Variants in COL22A1 observed in about 807,000 individuals in gnomAD.
COL22A1 encodes the protein collagen type XXII alpha 1 chain.
COL22A1 carries 221 observed loss-of-function variants against 248.9 expected under a neutral mutation model. That is an observed-to-expected ratio of 0.89 (90% CI 0.80 to 0.99). The LOEUF is 0.99. COL22A1 is among the 50% of genes least tolerant of loss of function. The pLI is 0.00. For synonymous variants in COL22A1, 891 were observed against 793.4 expected (o/e 1.12, Z -2.07); for missense variants, 2,240 against 2,179.0 (o/e 1.03, Z -0.56).
intron 3 of COL22A1, among the ~76,000 whole-genome samples, chr8:138,854,814 A>T (rs1318991365): frequency 6.6e-6 from 1 of 151,850 alleles, no homozygotes; most frequent in East Asian, 1.9e-4. Flanking sequence ...GGTGATGATG[A>T]TGGTGATGAT....
intron 22 of COL22A1, among the ~76,000 whole-genome samples, chr8:138,742,822 G>T (rs1257443271): frequency 1.5e-5 from 2 of 134,210 alleles, no homozygotes; most frequent in Non-Finnish European, 3.2e-5. Context: ...TGGTGGAGTT[G>T]ATGATGATGG....
intron 1 of COL22A1, among the ~76,000 whole-genome samples, chr8:138,907,556 A>G (rs899435905): frequency 6.6e-6 from 1 of 152,128 alleles, no homozygotes; most frequent in Non-Finnish European, 1.5e-5. Flanking sequence ...CCTATCATCT[A>G]TTTACTTTCT....
At chr8:138,597,436 T>C (rs545513394) in intron 61 of COL22A1, among the ~76,000 whole-genome samples, 2 of 152,188 alleles carry the variant, frequency 1.3e-5, no homozygotes, top group African/African-American at 2.4e-5. Flanking sequence ...CTGGTTCCCA[T>C]GCTCTGGTTT....
intron 31 of COL22A1, among the ~76,000 whole-genome samples, chr8:138,702,851 T>A (rs546864029): frequency 1.2e-4 from 18 of 152,132 alleles, no homozygotes; most frequent in Non-Finnish European, 2.1e-4. Context: ...ACAATGCTGG[T>A]GAATGACAGA....
rs775110259 is a variant in COL22A1 at position 138,703,315 on chromosome 8, T to C, written c.2550A>G (p.Leu850=). 15 of 1,613,648 alleles carry C rather than the reference T, an allele frequency of 9.3e-6. No individual in the cohort carries two copies. Among genetic ancestry groups the C allele is most frequent in the East Asian group, 2.2e-5 (1 of 44,848 alleles). The part of the protein sequence containing the change: ...GEAGPAGPPG[L]PGTTSLFTPH... ...AAGCGGAGTAACTTACAGTTCCAGG[T>C]AACCCGGGAGGGCCTGCAGGACCAG... Residue 850 remains leucine (L), a synonymous_variant, in exon 31 of 65, where the codon TTA becomes TTG. Transcript: ENST00000303045.
intron 3 of COL22A1, among the ~76,000 whole-genome samples, chr8:138,863,103 A>G (rs893923639): frequency 6.6e-6 from 1 of 152,228 alleles, no homozygotes; most frequent in Admixed American, 6.5e-5. Context: ...TGTTTAAAAG[A>G]TAAAATAAAG....
At chr8:138,845,407 G>A (rs1821172367) in intron 3 of COL22A1, among the ~76,000 whole-genome samples, 1 of 152,026 alleles carries the variant, frequency 6.6e-6, no homozygotes, top group African/African-American at 2.4e-5. Context: ...TACTCAGGAG[G>A]CTGAGGCAGG....
At chr8:138,596,800 C>A in intron 62 of COL22A1, 104 bp downstream of exon 62, 1 of 1,035,990 alleles carries the variant, frequency 9.7e-7, no homozygotes, top group South Asian at 1.4e-5. Context: ...AGCTGCCGGT[C>A]AAGTGCTTTT....
chr8:138,865,589 G>A (rs111215704), intron 3 of COL22A1, among the ~76,000 whole-genome samples: 11,118 of 150,444 alleles, frequency 0.074, 464 homozygotes, highest in African/African-American at 0.094. Context: ...GTGTGTGAGT[G>A]TATGTGTGTG....
chr8:138,619,904 C>A (rs111942143), intron 52 of COL22A1: 77 of 203,242 alleles, frequency 3.8e-4, no homozygotes, highest in African/African-American at 1.6e-3. Context: ...AACACTGAGG[C>A]TCAAAGTTAT....
At chr8:138,648,036 T>C (rs995188977) in intron 46 of COL22A1, among the ~76,000 whole-genome samples, 4 of 152,222 alleles carry the variant, frequency 2.6e-5, no homozygotes, top group African/African-American at 9.7e-5. Flanking sequence ...ATGACATGGA[T>C]GTAAGTACAT....
intron 4 of COL22A1, among the ~76,000 whole-genome samples, chr8:138,839,439 C>A (rs938562381): frequency 1.3e-5 from 2 of 152,096 alleles, no homozygotes; most frequent in Non-Finnish European, 2.9e-5. Context: ...GGGAGAAATA[C>A]CATCTGGTTT....
intron 10 of COL22A1, among the ~76,000 whole-genome samples, chr8:138,805,442 G>GTA (rs1817455320): frequency 7.4e-6 from 1 of 135,288 alleles, no homozygotes; most frequent in Non-Finnish European, 1.6e-5. Context: ...GTGGGATGGT[G>GTA]TGTGGTGTGT....
intron 23 of COL22A1, among the ~76,000 whole-genome samples, chr8:138,729,633 C>T (rs1303002352): frequency 6.6e-6 from 1 of 152,194 alleles, no homozygotes; most frequent in Admixed American, 6.5e-5. Flanking sequence ...AGGTGATTTG[C>T]TTCCAGCCTC....
intron 1 of COL22A1, among the ~76,000 whole-genome samples, chr8:138,893,962 G>A (rs1402090712): frequency 6.6e-6 from 1 of 152,202 alleles, no homozygotes; most frequent in East Asian, 1.9e-4. Context: ...GGAAAGATGA[G>A]TGGGAAGTAG....
intron 37 of COL22A1, among the ~76,000 whole-genome samples, chr8:138,686,573 A>C (rs1417176614): frequency 6.6e-6 from 1 of 152,194 alleles, no homozygotes; most frequent in Admixed American, 6.5e-5. Context: ...AGAGGGAAAA[A>C]GTATGCTGTG....
At chr8:138,694,943 A>C in intron 32 of COL22A1, 64 bp from the exon 33 acceptor site, 1 of 1,534,300 alleles carries the variant, frequency 6.5e-7, no homozygotes, top group Non-Finnish European at 8.9e-7. Flanking sequence ...CACAGGGTAC[A>C]TGTCCCCAGC....
intron 1 of COL22A1, among the ~76,000 whole-genome samples, chr8:138,904,429 G>A (rs185049436): frequency 1.3e-5 from 2 of 152,180 alleles, no homozygotes; most frequent in East Asian, 3.9e-4. Flanking sequence ...AGCACAGATG[G>A]GAGGATGCAC....
rs77175538 is a variant in COL22A1 at position 138,846,789 on chromosome 8, A to G, written c.659-2631T>C. The stretch of plus-strand genomic sequence containing the variant: ...GTATTCACTCATCTATTCAAACTCA[A>G]TTCTTTACTGAGCTCCAGATATGTT... On this transcript the variant is annotated intron_variant, in intron 3 of 64. Coordinates refer to ENST00000303045, the MANE Select transcript of COL22A1 (RefSeq NM_152888.3). Among the ~76,000 whole-genome samples the G allele has an allele frequency of 6.8e-4, 104 of 152,302 alleles. 1 individual carries two copies. In the East Asian group the frequency reaches 0.017, roughly 25 times the overall value.
Sources: allele counts gnomAD v4.1 joint callset (sites outside exome capture counted in the v4.1 genomes callset), GRCh38; gene constraint gnomAD v4.1.1; transcripts MANE v1.5; gene names NCBI Gene and HGNC (gene_info 2026-07-23, HGNC 2026-07-21).